HEPHL1: variants seen among roughly 807,000 people sequenced by gnomAD.
HEPHL1 encodes the protein hephaestin like 1.
HEPHL1 carries 123 observed loss-of-function variants against 122.0 expected under a neutral mutation model. That is an observed-to-expected ratio of 1.01 (90% confidence interval 0.87 to 1.17). The LOEUF (loss-of-function observed/expected upper bound fraction) is 1.17. HEPHL1 is among the 50% of genes most tolerant of loss of function. HEPHL1 has a pLI of 0.00. For missense variants in HEPHL1, 1,452 were observed against 1,430.5 expected, an observed-to-expected ratio of 1.01 and a Z score of -0.24; for synonymous variants, 527 against 508.9, an observed-to-expected ratio of 1.04 and a Z score of -0.48.
In HEPHL1 at chr11:94,085,976, G is replaced by A. The variant is rs199689820; in HGVS notation, c.1868-1G>A. On this transcript the variant is annotated splice_acceptor_variant, in intron 10 of 19. Transcript: ENST00000315765. LOFTEE classifies it high-confidence loss of function. ...TTCACCGTCTTTCTTCTTCCATTTAGCTGTTAACGGCTACATGTATGGCAA... is the reference window on the plus strand; with the variant it reads ...TTCACCGTCTTTCTTCTTCCATTTAACTGTTAACGGCTACATGTATGGCAA... 499 of 1,611,402 alleles carry A rather than the reference G, an allele frequency of 3.1e-4. No individual in the cohort carries two copies. The highest frequency in any genetic ancestry group is 4.2e-4 in the Non-Finnish European group (490 of 1,177,896).
intron 2 of HEPHL1, among the ~76,000 whole-genome samples, chr11:94,053,225 A>T (rs988261704): frequency 5.3e-5 from 8 of 152,076 alleles, no homozygotes; most frequent in Middle Eastern, 3.4e-3. Context: ...CGTGTGTTTC[A>T]TCTCAGTTGT....
intron 4 of HEPHL1, among the ~76,000 whole-genome samples, chr11:94,065,200 C>T (rs1946023482): frequency 6.6e-6 from 1 of 152,138 alleles, no homozygotes; most frequent in African/African-American, 2.4e-5. Context: ...AATAGTCAAC[C>T]TACATATCCC....
chr11:94,088,565 C>T (rs79693589), intron 11 of HEPHL1, among the ~76,000 whole-genome samples, 190 bp from the exon 12 acceptor site: 2,303 of 152,238 alleles, frequency 0.015, 18 homozygotes, highest in African/African-American at 0.024. Context: ...ATCTTTCTCT[C>T]CACAGAAGTA....
At chr11:94,064,990 A>G (rs1359154578) in intron 4 of HEPHL1, among the ~76,000 whole-genome samples, 1 of 152,224 alleles carries the variant, frequency 6.6e-6, no homozygotes, top group Non-Finnish European at 1.5e-5. Context: ...TGAATTCATT[A>G]TATTTCCCAG....
chr11:94,036,434 G>A (rs1445443070), intron 1 of HEPHL1, among the ~76,000 whole-genome samples: 1 of 152,072 alleles, frequency 6.6e-6, no homozygotes, highest in South Asian at 2.1e-4. Context: ...GAGGGGTGAG[G>A]GATGGGAAGA....
intron 13 of HEPHL1, among the ~76,000 whole-genome samples, chr11:94,097,863 G>T (rs1309303942): frequency 6.6e-6 from 1 of 152,028 alleles, no homozygotes; most frequent in East Asian, 1.9e-4. Flanking sequence ...TTTTCCATTT[G>T]CTTAGTAGAT....
At chr11:94,027,865 T>C (rs1945639983) in intron 1 of HEPHL1, among the ~76,000 whole-genome samples, 1 of 152,208 alleles carries the variant, frequency 6.6e-6, no homozygotes, top group Admixed American at 6.5e-5. Flanking sequence ...ATCCAGATGG[T>C]ATTAAAAATT....
chr11:94,063,578 C>A lies in HEPHL1; in HGVS notation c.486C>A (p.Tyr162Ter). The change falls in exon 3 of 20, where the codon TAC (tyrosine) becomes TAA (stop). Residue 162 changes from tyrosine to a stop codon, truncating the protein, a stop_gained. Coordinates refer to ENST00000315765, the MANE Select transcript of HEPHL1 (RefSeq NM_001098672.2). LOFTEE classifies it high-confidence loss of function. ...NDDMVPPGKN[Y>*]TYVWPVREEY... is the part of the protein sequence containing the mutation. The stretch of plus-strand genomic sequence containing the variant: ...ACATGGTTCCTCCTGGGAAAAACTA[C>A]ACCTACGTCTGGCCGGTGAGAGAAG... The A allele has an allele frequency of 1.2e-6, 2 of 1,613,654 alleles. No individual in the cohort carries two copies. The highest frequency in any genetic ancestry group is 2.2e-5 in the South Asian group (2 of 91,056).
At chr11:94,045,038 T>C (rs955544266) in intron 1 of HEPHL1, among the ~76,000 whole-genome samples, 7 of 152,180 alleles carry the variant, frequency 4.6e-5, no homozygotes, top group Admixed American at 1.3e-4. Context: ...ATCAGGTAGC[T>C]AGGACTACAG....
intron 1 of HEPHL1, among the ~76,000 whole-genome samples, chr11:94,023,325 T>C (rs1018511161): frequency 5.3e-5 from 8 of 152,178 alleles, no homozygotes; most frequent in Admixed American, 5.2e-4. Context: ...GCCAAAGGCA[T>C]GTTTAGTCTC....
Position 94,088,801 on chromosome 11 carries a change from C to A in HEPHL1, c.2127C>A (p.Gly709=), listed in dbSNP as rs201645049. ...CCACCATGCCCCACCTCTCGAGAGG[C>A]ATGGGTCAGATCTATGAGGTCAGCA... The part of the protein sequence containing the change: ...FCATMPHLSR[G]MGQIYEVSSC... The change falls in exon 12 of 20, where the codon GGC becomes GGA. Residue 709 remains glycine (G), a synonymous_variant. Transcript: ENST00000315765. The A allele has an allele frequency of 5.0e-6, 8 of 1,613,990 alleles. No individual in the cohort carries two copies. The East Asian group carries it at 1.1e-4, about 22-fold the overall frequency.
chr11:94,023,451 G>A (rs1945598266), intron 1 of HEPHL1, among the ~76,000 whole-genome samples: 1 of 152,144 alleles, frequency 6.6e-6, no homozygotes, highest in Admixed American at 6.5e-5. Flanking sequence ...GTACTACAAT[G>A]CTGTTTTCAC....
chr11:94,036,829 A>T (rs1223363294), intron 1 of HEPHL1, among the ~76,000 whole-genome samples: 2 of 122,274 alleles, frequency 1.6e-5, no homozygotes, highest in African/African-American at 6.7e-5. Flanking sequence ...ACAGAGCAAG[A>T]CTCCGTCTCA....
chr11:94,088,274 A>T (rs1946234166), intron 11 of HEPHL1, among the ~76,000 whole-genome samples: 1 of 152,218 alleles, frequency 6.6e-6, no homozygotes, highest in Admixed American at 6.5e-5. Context: ...TTTGGCTTTA[A>T]TAATAATAAC....
chr11:94,046,029 C>T (rs1945833158), intron 2 of HEPHL1, 112 bp downstream of exon 2: 1 of 771,312 alleles, frequency 1.3e-6, no homozygotes, highest in African/African-American at 1.8e-5. Flanking sequence ...TATTTATCTT[C>T]TCTCTGTCTG....
rs1402205673 is a variant in HEPHL1 at position 94,111,757 on chromosome 11, GC to G, written c.3345del (p.Leu1116TrpfsTer12). The G allele has an allele frequency of 5.0e-6, 8 of 1,603,142 alleles. No individual in the cohort carries two copies. In the African/African-American group the frequency reaches 1.1e-4, roughly 21 times the overall value. Reference protein sequence around the residue: ...KNLGPTGAKAALVILFIIGLL... With the variant: ...KNLGPTGAKAXLVILFIIGLL... Reference sequence around the variant, plus strand: ...TCTGGGTCCAACAGGAGCCAAGGCAGCCTTGGTCATCCTTTTCATCATTGGA... The same window carrying G: ...TCTGGGTCCAACAGGAGCCAAGGCAGCTTGGTCATCCTTTTCATCATTGGA... On this transcript the variant is annotated frameshift_variant, in exon 20 of 20. Coordinates refer to ENST00000315765, the MANE Select transcript of HEPHL1 (RefSeq NM_001098672.2). LOFTEE classifies it high-confidence loss of function.
At position 94,073,305 on chromosome 11, in the gene HEPHL1, C is replaced by G. The variant is rs1410429359; in HGVS notation, c.1373-3C>G. 1.2e-6 allele frequency: 2 copies of G among 1,609,372 alleles called. No homozygotes were observed. Among genetic ancestry groups the G allele is most frequent in the Non-Finnish European group, 1.7e-6 (2 of 1,177,904 alleles). On this transcript the variant is annotated splice_region_variant and splice_polypyrimidine_tract_variant and intron_variant, in intron 7 of 19. Transcript: ENST00000315765. ...CTCTCTCTTCTTCTGGATATTTTTT[C>G]AGGCCCAGTCATCAAGGCAGAGGTG...
At chr11:94,060,240 A>G (rs1032885294) in intron 2 of HEPHL1, among the ~76,000 whole-genome samples, 17 of 151,098 alleles carry the variant, frequency 1.1e-4, no homozygotes, top group African/African-American at 4.1e-4. Context: ...AACATGAGAA[A>G]GAGACATTAG....
chr11:94,075,113 G>A, intron 8 of HEPHL1, 61 bp from the exon 9 acceptor site: 1 of 1,455,252 alleles, frequency 6.9e-7, no homozygotes, highest in South Asian at 1.2e-5. Flanking sequence ...GGAAGACCCA[G>A]TCTGACCAAT....
Sources: allele counts gnomAD v4.1 joint callset (sites outside exome capture counted in the v4.1 genomes callset), GRCh38; gene constraint gnomAD v4.1.1; transcripts MANE v1.5; gene names NCBI Gene and HGNC (gene_info 2026-07-23, HGNC 2026-07-21).